ZNF664: variants seen among roughly 807,000 people sequenced by gnomAD.
ZNF664 encodes the protein zinc finger Organ of Corti 1.
Under a neutral mutation model 18.2 loss-of-function variants are expected in ZNF664, and 10 were observed. The observed-to-expected ratio is 0.55, with a 90% confidence interval of 0.34 to 0.93. The LOEUF (loss-of-function observed/expected upper bound fraction) is 0.93. ZNF664 is among the 40% of genes least tolerant of loss of function. The pLI is 0.02. For synonymous variants in ZNF664, 119 were observed against 104.2 expected (o/e 1.14, Z -0.86); for missense variants, 193 against 319.0 (o/e 0.61, Z 3.01).
rs1957158861 is a variant in ZNF664, at chr12:124,013,634, C to G, written c.*704C>G. On this transcript the variant is annotated 3_prime_UTR_variant, in exon 5 of 5. Coordinates refer to ENST00000337815, the MANE Select transcript of ZNF664 (RefSeq NM_152437.3). ...TCTGCTCATCACTGTCTCTGTTAGA[C>G]TTATTTTGTAGTGGCTGCATCACAT... 1.2e-5 allele frequency: 2 copies of G among 167,110 alleles called. No homozygotes were observed. Among genetic ancestry groups the G allele is most frequent in the Non-Finnish European group, 2.9e-5 (2 of 68,186 alleles). The allele number at this position is 167,110 out of a possible 1,614,324, so 10.4% of individuals were successfully genotyped here.
chr12:123,979,130 G>A (rs1483774464), intron 2 of ZNF664, among the ~76,000 whole-genome samples: 3 of 152,294 alleles, frequency 2.0e-5, no homozygotes, highest in Non-Finnish European at 4.4e-5. Flanking sequence ...AATCATAAAT[G>A]AAAGGATTGA....
chr12:123,977,061 C>T (rs1380302188), intron 2 of ZNF664, among the ~76,000 whole-genome samples: 1 of 152,134 alleles, frequency 6.6e-6, no homozygotes, highest in East Asian at 1.9e-4. Flanking sequence ...GCCTGGGCAA[C>T]AGAGGGAGAC....
At chr12:124,009,252 G>A (rs975687363) in intron 3 of ZNF664, among the ~76,000 whole-genome samples, 3 of 152,114 alleles carry the variant, frequency 2.0e-5, no homozygotes, top group African/African-American at 7.2e-5. Context: ...TATGTTCTAG[G>A]TATGTGCAAT....
intron 1 of ZNF664, 61 bp from the exon 2 acceptor site, chr12:123,973,825 G>A (rs1233265319): frequency 6.5e-6 from 8 of 1,230,386 alleles, no homozygotes; most frequent in Non-Finnish European, 8.1e-6. Flanking sequence ...CCGCGCCAGG[G>A]GACCGGGGAG....
chr12:123,985,245 T>C (rs1245369422), intron 2 of ZNF664, among the ~76,000 whole-genome samples: 2 of 152,140 alleles, frequency 1.3e-5, no homozygotes, highest in Non-Finnish European at 2.9e-5. Context: ...CTAGAAAGGA[T>C]TATTTTTGCT....
chr12:124,012,071 T>A lies in ZNF664; in HGVS notation c.-74T>A. 1.3e-6 allele frequency: 2 copies of A among 1,513,906 alleles called. No individual in the cohort carries two copies. Among genetic ancestry groups the A allele is most frequent in the Non-Finnish European group, 1.8e-6 (2 of 1,139,726 alleles). 93.8% of individuals were successfully genotyped at this position (1,513,906 alleles called of 1,614,324 possible). A position where few individuals can be genotyped will look rare whatever the true frequency, so the allele number is the denominator to read the frequency against. ...CAAAATGGCCAAATAAGAGACTCTATGAAATAACAGTCTTGTAACTGTAGT... is the reference window on the plus strand; with the variant it reads ...CAAAATGGCCAAATAAGAGACTCTAAGAAATAACAGTCTTGTAACTGTAGT... On this transcript the variant is annotated 5_prime_UTR_variant, in exon 5 of 5. It removes an upstream start codon present in the reference 5' UTR. Coordinates refer to ENST00000337815, the MANE Select transcript of ZNF664 (RefSeq NM_152437.3).
rs191180039 is a variant in ZNF664 at position 124,012,765 on chromosome 12, C to G, written c.621C>G (p.Ala207=). ...KPYRCCGCGK[A]FSQSSSLCIH... ...ATAGATGTTGTGGATGTGGGAAGGCCTTCAGTCAGAGTTCGAGCCTGTGCA... is the reference window on the plus strand; with the variant it reads ...ATAGATGTTGTGGATGTGGGAAGGCGTTCAGTCAGAGTTCGAGCCTGTGCA... Residue 207 remains alanine, a synonymous_variant, in exon 5 of 5, where the codon GCC becomes GCG. Transcript: ENST00000337815. 1.4e-5 allele frequency: 22 copies of G among 1,612,684 alleles called. 1 individual carries two copies. In the East Asian group the frequency reaches 4.5e-4, roughly 33 times the overall value.
chr12:123,973,308 G>A lies in ZNF664; in HGVS notation c.-936G>A. The stretch of plus-strand genomic sequence containing the variant: ...GGTGTCCCTGAGGAGAGGGAGGTGG[G>A]TGCGCGGCGCCCGCGGCCTGGGGCG... On this transcript the variant is annotated 5_prime_UTR_variant, in exon 1 of 5. In the 5' UTR this introduces an upstream ATG that the reference lacks. Coordinates refer to ENST00000337815, the MANE Select transcript of ZNF664 (RefSeq NM_152437.3). 1.2e-6 allele frequency: 1 copy of A among 808,110 alleles called. No homozygotes were observed. The highest frequency in any genetic ancestry group is 1.5e-6 in the Non-Finnish European group (1 of 671,734). 50.1% of individuals were successfully genotyped at this position (808,110 alleles called of 1,614,324 possible).
At chr12:124,000,107 G>A (rs1040111594) in intron 3 of ZNF664, among the ~76,000 whole-genome samples, 2 of 152,208 alleles carry the variant, frequency 1.3e-5, no homozygotes, top group African/African-American at 4.8e-5. Flanking sequence ...TTAGCTATCT[G>A]CCTTCCCCAT....
chr12:123,997,143 A>G (rs7975482), intron 3 of ZNF664, among the ~76,000 whole-genome samples: 49,029 of 152,080 alleles, frequency 0.32, 8,088 homozygotes, highest in Middle Eastern at 0.37. Flanking sequence ...GGACGTGATT[A>G]AAGGTGAAAT....
At chr12:123,994,901 T>C (rs1246984485) in intron 3 of ZNF664, among the ~76,000 whole-genome samples, 1 of 152,196 alleles carries the variant, frequency 6.6e-6, no homozygotes, top group Non-Finnish European at 1.5e-5. Flanking sequence ...TACTATAAAT[T>C]GTGAGAACAT....
intron 3 of ZNF664, among the ~76,000 whole-genome samples, chr12:124,007,182 G>A (rs967627053): frequency 2.0e-5 from 3 of 152,210 alleles, no homozygotes; most frequent in Non-Finnish European, 2.9e-5. Flanking sequence ...TCCCCCCACC[G>A]TGCAGTGAGA....
intron 3 of ZNF664, among the ~76,000 whole-genome samples, chr12:124,007,566 T>C (rs899153587): frequency 6.6e-6 from 1 of 152,216 alleles, no homozygotes; most frequent in Admixed American, 6.5e-5. Flanking sequence ...GTGCTCAGGA[T>C]TGACTGGGGA....
At chr12:123,979,638 T>G (rs1259659792) in intron 2 of ZNF664, among the ~76,000 whole-genome samples, 1 of 152,244 alleles carries the variant, frequency 6.6e-6, no homozygotes, top group Non-Finnish European at 1.5e-5. Context: ...GGTACCCATA[T>G]ACTGTGGAAT....
chr12:123,976,330 G>A (rs1956691135), intron 2 of ZNF664, among the ~76,000 whole-genome samples: 1 of 152,210 alleles, frequency 6.6e-6, no homozygotes, highest in Admixed American at 6.5e-5. Flanking sequence ...GTGCGTAGGT[G>A]TTAGTGTGGA....
intron 2 of ZNF664, among the ~76,000 whole-genome samples, chr12:123,980,681 C>T (rs928613639): frequency 1.3e-5 from 2 of 151,978 alleles, no homozygotes; most frequent in African/African-American, 2.4e-5. Flanking sequence ...AATTGTATAC[C>T]TGATATGATG....
At chr12:123,986,372 G>A (rs748462636) in intron 2 of ZNF664, among the ~76,000 whole-genome samples, 2 of 152,122 alleles carry the variant, frequency 1.3e-5, no homozygotes, top group Non-Finnish European at 1.5e-5. Flanking sequence ...GGTCTCTCAC[G>A]GCATCACTCA....
chr12:124,013,082 C>G lies in ZNF664; in HGVS notation c.*152C>G. On this transcript the variant is annotated 3_prime_UTR_variant, in exon 5 of 5. Transcript: ENST00000337815. ...CATATGTGAGATTGATTTGTTGGTT[C>G]ATGCCAAGTGTGTTCCACAGGTTGA... is the stretch of plus-strand genomic sequence containing the variant. 1 of 1,088,108 alleles carries G rather than the reference C, an allele frequency of 9.2e-7. No individual in the cohort carries two copies. Among genetic ancestry groups the G allele is most frequent in the East Asian group, 2.6e-5 (1 of 38,074 alleles). The allele number at this position is 1,088,108 out of a possible 1,614,324, so 67.4% of individuals were successfully genotyped here. A position where few individuals can be genotyped will look rare whatever the true frequency, so the allele number is the denominator to read the frequency against.
At chr12:124,006,199 C>G (rs1029935990) in intron 3 of ZNF664, 21 of 152,300 alleles carry the variant, frequency 1.4e-4, no homozygotes, top group Admixed American at 1.4e-3. Context: ...TCGATTGTAG[C>G]TTACCAACCT....
Sources: allele counts gnomAD v4.1 joint callset (sites outside exome capture counted in the v4.1 genomes callset), GRCh38; gene constraint gnomAD v4.1.1; transcripts MANE v1.5; gene names NCBI Gene and HGNC (gene_info 2026-07-23, HGNC 2026-07-21).